ANXA13: variants seen among roughly 807,000 people sequenced by gnomAD.
ANXA13 encodes the protein annexin XIII.
ANXA13 carries 36 observed loss-of-function variants against 46.6 expected under a neutral mutation model. The ratio of observed to expected loss-of-function variants is 0.77; its 90% CI spans 0.59 to 1.02. ANXA13 has a LOEUF of 1.02. ANXA13 is among the 50% of genes least tolerant of loss of function. ANXA13 has a pLI of 0.00. For synonymous variants in ANXA13, 163 were observed against 152.9 expected (o/e 1.07, Z -0.49); for missense variants, 417 against 396.5 (o/e 1.05, Z -0.44).
At chr8:123,711,787 G>T (rs903379291) in intron 2 of ANXA13, 10 of 152,150 alleles carry the variant, frequency 6.6e-5, no homozygotes, top group Admixed American at 5.9e-4. Context: ...GCTAATTTTT[G>T]TATTTTTAGT....
intron 6 of ANXA13, among the ~76,000 whole-genome samples, chr8:123,694,940 G>A (rs868031435): frequency 1.7e-4 from 26 of 151,966 alleles, no homozygotes; most frequent in Non-Finnish European, 2.4e-4. Flanking sequence ...CACAGAGCTC[G>A]TAAAGATGAG....
At chr8:123,712,845 G>A (rs1813685618) in intron 1 of ANXA13, 92 bp from the exon 2 acceptor site, 5 of 1,093,930 alleles carry the variant, frequency 4.6e-6, no homozygotes, top group Non-Finnish European at 6.9e-6. Flanking sequence ...GGACCAAATA[G>A]TCATCCTAAC....
At chr8:123,702,339 C>A (rs1397856179) in intron 3 of ANXA13, among the ~76,000 whole-genome samples, 1 of 152,050 alleles carries the variant, frequency 6.6e-6, no homozygotes, top group African/African-American at 2.4e-5. Context: ...TTTCAAATTA[C>A]TGATCTAGCT....
intron 1 of ANXA13, chr8:123,727,770 G>T (rs1814030157): frequency 6.6e-6 from 1 of 152,162 alleles, no homozygotes; most frequent in Middle Eastern, 3.4e-3. Flanking sequence ...TTTAAAAAGT[G>T]TGGAGAAGGC....
intron 1 of ANXA13, among the ~76,000 whole-genome samples, chr8:123,736,053 C>A (rs1814260139): frequency 6.6e-6 from 1 of 152,162 alleles, no homozygotes. Context: ...GCTTCAGTTT[C>A]TCTGAAAGAT....
At chr8:123,735,486 G>T (rs187576084) in intron 1 of ANXA13, among the ~76,000 whole-genome samples, 15 of 152,208 alleles carry the variant, frequency 9.9e-5, no homozygotes, top group Admixed American at 7.9e-4. Context: ...AGTGGTCCTG[G>T]TGTAGCCTCA....
At chr8:123,685,438 A>G (rs1342752924) in intron 9 of ANXA13, among the ~76,000 whole-genome samples, 1 of 152,058 alleles carries the variant, frequency 6.6e-6, no homozygotes, top group Non-Finnish European at 1.5e-5. Context: ...GGAATAAATC[A>G]TTCCTTCCCC....
At chr8:123,692,121 C>T (rs7000525) in intron 8 of ANXA13, among the ~76,000 whole-genome samples, 34,728 of 152,160 alleles carry the variant, frequency 0.23, 4,406 homozygotes, top group Middle Eastern at 0.34. Flanking sequence ...TTTTTATCTG[C>T]TGGCAACACA....
In ANXA13 at chr8:123,690,950, A is replaced by C. The variant is rs1407413784; in HGVS notation, c.643-2004T>G. Among the ~76,000 whole-genome samples the C allele has an allele frequency of 6.6e-6, 1 of 152,222 alleles. No homozygotes were observed. The highest frequency in any genetic ancestry group is 1.5e-5 in the Non-Finnish European group (1 of 68,032). ...GCAGCAAAGTGGGCTATGGGTATGC[A>C]TACCTACTGTTTATGCTGAGCCCTG... On this transcript the variant is annotated intron_variant, in intron 8 of 10. Transcript: ENST00000419625. This position sits in a 1 kb window ranked among gnomAD's most constrained non-coding sequence, Gnocchi z 4.6.
intron 4 of ANXA13, among the ~76,000 whole-genome samples, chr8:123,696,566 CA>C (rs1469789717): frequency 2.0e-5 from 3 of 151,418 alleles, no homozygotes; most frequent in South Asian, 4.2e-4. Flanking sequence ...CCACCCCCCC[CA>C]CCACCAAGCT....
chr8:123,691,445 C>T (rs1033617590), intron 8 of ANXA13, among the ~76,000 whole-genome samples: 2 of 152,036 alleles, frequency 1.3e-5, no homozygotes, highest in African/African-American at 2.4e-5. Flanking sequence ...AAGCTTTAGC[C>T]CTGATTTTTG....
At chr8:123,707,010 C>T (rs1016294441) in intron 2 of ANXA13, among the ~76,000 whole-genome samples, 7 of 152,248 alleles carry the variant, frequency 4.6e-5, no homozygotes, top group Admixed American at 6.5e-5. Context: ...TGAGGCATCT[C>T]GCCCTCTGTG....
chr8:123,719,217 A>G (rs996066101), intron 1 of ANXA13, among the ~76,000 whole-genome samples: 1 of 152,232 alleles, frequency 6.6e-6, no homozygotes, highest in African/African-American at 2.4e-5. Context: ...GAATAGCTTC[A>G]AGGCTGGACA....
At chr8:123,714,990 C>G (rs1164146938) in intron 1 of ANXA13, among the ~76,000 whole-genome samples, 4 of 152,230 alleles carry the variant, frequency 2.6e-5, no homozygotes, top group African/African-American at 9.6e-5. Flanking sequence ...ACAATACTGC[C>G]TCACATTCTA....
At chr8:123,686,421 CTG>C (rs1359473028) in intron 9 of ANXA13, among the ~76,000 whole-genome samples, 8 of 150,270 alleles carry the variant, frequency 5.3e-5, no homozygotes, top group African/African-American at 2.0e-4. Context: ...GATTGCACCA[CTG>C]CACTCTAACC....
At chr8:123,723,501 G>A (rs986022571) in intron 1 of ANXA13, among the ~76,000 whole-genome samples, 2 of 152,200 alleles carry the variant, frequency 1.3e-5, no homozygotes, top group Non-Finnish European at 2.9e-5. Flanking sequence ...CAGGATGGTT[G>A]GCCCTGCTAG....
intron 1 of ANXA13, among the ~76,000 whole-genome samples, chr8:123,731,487 G>A (rs548060387): frequency 1.6e-3 from 248 of 152,280 alleles, no homozygotes; most frequent in African/African-American, 5.6e-3. Context: ...CATGCTGCAG[G>A]CATTGTGTTG....
At position 123,695,679 on chromosome 8, in the gene ANXA13, G is replaced by C; in HGVS notation, c.391+9C>G. On this transcript the variant is annotated intron_variant, in intron 5 of 10. Transcript: ENST00000419625. ...ACTTTATCCAAAGCCAGAATGAAAA[G>C]TCACTTACGCCTTTGGTAGGCCTCT... The C allele has an allele frequency of 6.2e-7, 1 of 1,613,570 alleles. No homozygotes were observed. Among genetic ancestry groups the C allele is most frequent in the South Asian group, 1.1e-5 (1 of 90,970 alleles).
intron 1 of ANXA13, among the ~76,000 whole-genome samples, chr8:123,719,664 C>T (rs1360062469): frequency 6.6e-6 from 1 of 152,140 alleles, no homozygotes; most frequent in Non-Finnish European, 1.5e-5. Flanking sequence ...CAGGGAGAGA[C>T]CACAGCCTGA....
Sources: gnomAD v4.1 joint callset for allele counts (sites outside exome capture counted in the v4.1 genomes callset) on GRCh38, gnomAD v4.1.1 for gene constraint, Gnocchi (gnomAD v3.1) non-coding constraint, MANE v1.5 for transcripts, NCBI Gene and HGNC (gene_info 2026-07-23, HGNC 2026-07-21) for gene names.